Variants in CAMKMT observed in about 807,000 individuals in gnomAD.
CAMKMT encodes the protein calmodulin-lysine N-methyltransferase, also known as CaM KMT.
A neutral mutation model predicts 48.0 loss-of-function variants in CAMKMT; 53 were observed. That is an observed-to-expected ratio of 1.10 (90% CI 0.89 to 1.39). The LOEUF (loss-of-function observed/expected upper bound fraction) is 1.39. Ranked by LOEUF, CAMKMT falls within the 40% of genes most tolerant of loss-of-function variation. The pLI is 0.00. For synonymous variants in CAMKMT, 165 were observed against 152.3 expected (o/e 1.08, Z -0.61); for missense variants, 428 against 402.7 (o/e 1.06, Z -0.54).
At chr2:44,749,328 G>A (rs931287662) in intron 8 of CAMKMT, among the ~76,000 whole-genome samples, 55 of 152,288 alleles carry the variant, frequency 3.6e-4, no homozygotes, top group African/African-American at 1.3e-3. Flanking sequence ...ATCCTTGACA[G>A]TATCAGTAAA....
intron 8 of CAMKMT, among the ~76,000 whole-genome samples, chr2:44,752,478 G>A (rs1473266937): frequency 6.6e-6 from 1 of 152,148 alleles, no homozygotes; most frequent in Non-Finnish European, 1.5e-5. Context: ...TTGGCAGCCA[G>A]CTCTGTTCTG....
chr2:44,410,412 C>G (rs1420956502), intron 3 of CAMKMT, among the ~76,000 whole-genome samples: 1 of 149,742 alleles, frequency 6.7e-6, no homozygotes, highest in Non-Finnish European at 1.5e-5. Context: ...TGCCCGCCAC[C>G]TCGCCCAGCT....
intron 3 of CAMKMT, among the ~76,000 whole-genome samples, chr2:44,683,144 C>T (rs138685280): frequency 2.7e-4 from 41 of 152,112 alleles, no homozygotes; most frequent in African/African-American, 8.7e-4. Flanking sequence ...TAGCCTCTTC[C>T]ACCAGCCAGT....
intron 10 of CAMKMT, among the ~76,000 whole-genome samples, chr2:44,771,482 A>G (rs1681107372): frequency 6.6e-6 from 1 of 151,352 alleles, no homozygotes; most frequent in Non-Finnish European, 1.5e-5. Flanking sequence ...TGCTAGTCTA[A>G]TTGTTGGAGT....
chr2:44,657,655 A>C lies in CAMKMT; in HGVS notation c.377-46628A>C, dbSNP rs910422497. 6.6e-6 allele frequency among the ~76,000 whole-genome samples: 1 copy of C among 152,196 alleles called. No individual in the cohort carries two copies. Among genetic ancestry groups the C allele is most frequent in the African/African-American group, 2.4e-5 (1 of 41,448 alleles). On this transcript the variant is annotated intron_variant, in intron 3 of 10. Transcript: ENST00000378494. The surrounding 1 kb of genome is among the most constrained non-coding windows in gnomAD (Gnocchi z 4.3). Reference sequence around the variant, plus strand: ...TCTGAAAGCAGCTTATCACTTCACTAATACAGCAAAAGCAAGGCATTCTGT... The same window carrying C: ...TCTGAAAGCAGCTTATCACTTCACTCATACAGCAAAAGCAAGGCATTCTGT...
intron 1 of CAMKMT, 25 bp downstream of exon 1, chr2:44,362,170 C>G: frequency 6.9e-7 from 1 of 1,448,110 alleles, no homozygotes. Flanking sequence ...GCTCGCCTCA[C>G]CTTTGCCTCT....
chr2:44,627,697 C>CTTTTTTTTT lies in CAMKMT; in HGVS notation c.377-76564_377-76556dup, dbSNP rs1174344846. On this transcript the variant is annotated intron_variant, in intron 3 of 10. Transcript: ENST00000378494. ...TTATTTATAATGGTCCCATTTTATC[C>CTTTTTTTTT]TTTTTTTTTTTTTTTTTTTTTTTTT... 7.5e-3 allele frequency among the ~76,000 whole-genome samples: 566 copies of CTTTTTTTTT among 75,078 alleles called. 97 individuals are homozygous for CTTTTTTTTT. Among genetic ancestry groups the CTTTTTTTTT allele is most frequent in the Non-Finnish European group, 0.011 (478 of 41,756 alleles). The allele number at this position is 75,078 out of a possible 152,430, so 49.3% of individuals were successfully genotyped here.
chr2:44,428,915 G>A (rs997623687), intron 3 of CAMKMT, among the ~76,000 whole-genome samples: 4 of 152,192 alleles, frequency 2.6e-5, no homozygotes, highest in Admixed American at 2.0e-4. Context: ...GCTTGTTGGA[G>A]TGACCCAGCT....
At chr2:44,704,225 C>A (rs1229981912) in intron 3 of CAMKMT, 58 bp from the exon 4 acceptor site, 16 of 1,383,910 alleles carry the variant, frequency 1.2e-5, no homozygotes, top group Non-Finnish European at 1.5e-5. Flanking sequence ...TTTTTAAAAG[C>A]CGTTTCTTAA....
chr2:44,601,987 C>T (rs6713725), intron 3 of CAMKMT, among the ~76,000 whole-genome samples: 96,585 of 151,462 alleles, frequency 0.64, 31,356 homozygotes, highest in Middle Eastern at 0.71. Context: ...ATATTGTAGT[C>T]TGCTTTTTAA....
chr2:44,489,292 C>T (rs1443999438), intron 3 of CAMKMT, among the ~76,000 whole-genome samples: 1 of 139,444 alleles, frequency 7.2e-6, no homozygotes, highest in Non-Finnish European at 1.5e-5. Context: ...GTCGCCCAGG[C>T]TGGAGTGCAA....
In CAMKMT at chr2:44,488,281, C is replaced by T. The variant is rs148368960; in HGVS notation, c.376+97976C>T. On this transcript the variant is annotated intron_variant, in intron 3 of 10. Coordinates refer to ENST00000378494, the MANE Select transcript of CAMKMT (RefSeq NM_024766.5). ...TGGGAGGCCAAGGCGGGTGGATCAC[C>T]TGAGGTCAGGAGTTCGAGACACCAG... is the stretch of plus-strand genomic sequence containing the variant. Among the ~76,000 whole-genome samples the T allele has an allele frequency of 4.6e-5, 7 of 152,214 alleles. No homozygotes were observed. The East Asian group carries it at 1.4e-3, about 29-fold the overall frequency.
chr2:44,574,565 A>G (rs1669100405), intron 3 of CAMKMT, among the ~76,000 whole-genome samples: 1 of 152,108 alleles, frequency 6.6e-6, no homozygotes, highest in African/African-American at 2.4e-5. Flanking sequence ...GGGGCAATCT[A>G]AGATGAAGAC....
chr2:44,742,139 C>G (rs1029944286), intron 7 of CAMKMT, among the ~76,000 whole-genome samples: 2 of 152,192 alleles, frequency 1.3e-5, no homozygotes, highest in African/African-American at 4.8e-5. Flanking sequence ...CTCACTGAGC[C>G]TGAGTCCCAG....
intron 3 of CAMKMT, among the ~76,000 whole-genome samples, chr2:44,502,157 G>C (rs1190672848): frequency 2.0e-5 from 3 of 151,968 alleles, no homozygotes; most frequent in African/African-American, 7.3e-5. Context: ...GGAGGCAGAG[G>C]TTGCGGTGAG....
At chr2:44,368,808 T>C (rs1360271558) in intron 1 of CAMKMT, among the ~76,000 whole-genome samples, 2 of 152,184 alleles carry the variant, frequency 1.3e-5, no homozygotes, top group African/African-American at 4.8e-5. Context: ...AAGAGTAAGC[T>C]CTGTTGAGTA....
At chr2:44,513,023 AAAAACATTCTGATGAGAGCTTTGGTAAT>A (rs1329912674) in intron 3 of CAMKMT, among the ~76,000 whole-genome samples, 4 of 152,330 alleles carry the variant, frequency 2.6e-5, no homozygotes, top group South Asian at 4.1e-4. Flanking sequence ...CATGGAATTA[AAAAACATTCTGATGAGAGCTTTGGTAAT>A]AAAACATTCT....
intron 3 of CAMKMT, among the ~76,000 whole-genome samples, chr2:44,519,209 C>T (rs1670978108): frequency 6.6e-6 from 1 of 152,138 alleles, no homozygotes; most frequent in Admixed American, 6.5e-5. Flanking sequence ...AAAGCTGTTC[C>T]AGACTCATGG....
At chr2:44,710,107 TAAA>T (rs768016198) in intron 6 of CAMKMT, among the ~76,000 whole-genome samples, 1 of 147,974 alleles carries the variant, frequency 6.8e-6, no homozygotes, top group East Asian at 1.9e-4. Flanking sequence ...TACCTTTTTT[TAAA>T]AAAAAAAACA....
Sources: gnomAD v4.1 joint callset for allele counts (sites outside exome capture counted in the v4.1 genomes callset) on GRCh38, gnomAD v4.1.1 for gene constraint, Gnocchi (gnomAD v3.1) non-coding constraint, MANE v1.5 for transcripts, NCBI Gene and HGNC (gene_info 2026-07-23, HGNC 2026-07-21) for gene names.